Variants in UBTD1 observed in about 807,000 individuals in gnomAD.
UBTD1 encodes ubiquitin domain containing 1, also known as ubiquitin domain-containing protein 1.
Under a neutral mutation model 21.7 loss-of-function variants are expected in UBTD1, and 19 were observed. That is an observed-to-expected ratio of 0.87 (90% CI 0.61 to 1.28). The LOEUF is 1.28. Ranked by LOEUF, UBTD1 falls within the 50% of genes most tolerant of loss-of-function variation. The probability of loss-of-function intolerance (pLI) is 0.00; values close to 1 mark genes in which losing one functional copy is unlikely to be tolerated. For synonymous variants in UBTD1, 116 were observed against 135.1 expected, an observed-to-expected ratio of 0.86 and a Z score of 0.98; for missense variants, 282 against 315.1, an observed-to-expected ratio of 0.89 and a Z score of 0.80.
intron 1 of UBTD1, among the ~76,000 whole-genome samples, chr10:97,507,517 G>A (rs2040404085): frequency 6.6e-6 from 1 of 151,688 alleles, no homozygotes; most frequent in East Asian, 1.9e-4. Flanking sequence ...GCTCATGCCT[G>A]TAATCCCAGC....
intron 1 of UBTD1, among the ~76,000 whole-genome samples, chr10:97,539,155 G>T (rs1051879852): frequency 1.3e-5 from 2 of 152,142 alleles, no homozygotes; most frequent in Non-Finnish European, 2.9e-5. Flanking sequence ...TTGTCAGGTA[G>T]GAGCTGAAGC....
intron 1 of UBTD1, among the ~76,000 whole-genome samples, chr10:97,537,856 C>G (rs986616572): frequency 1.5e-5 from 2 of 137,762 alleles, no homozygotes; most frequent in African/African-American, 5.4e-5. Context: ...GACAGGGTCT[C>G]TCTCTGTCAT....
intron 1 of UBTD1, among the ~76,000 whole-genome samples, chr10:97,565,409 TA>T (rs1270611996): frequency 6.6e-6 from 1 of 152,240 alleles, no homozygotes; most frequent in African/African-American, 2.4e-5. Flanking sequence ...TAGATCAGTT[TA>T]GGGGGAGTGG....
chr10:97,509,659 C>T (rs1354288558), intron 1 of UBTD1, among the ~76,000 whole-genome samples: 1 of 151,912 alleles, frequency 6.6e-6, no homozygotes, highest in Non-Finnish European at 1.5e-5. Flanking sequence ...CTTTTTTTTC[C>T]CCCCACCCTG....
chr10:97,528,761 G>A (rs1184308747), intron 1 of UBTD1, among the ~76,000 whole-genome samples: 5 of 113,522 alleles, frequency 4.4e-5, no homozygotes, highest in Admixed American at 2.5e-4. Flanking sequence ...GCGGCTGGCC[G>A]GGCGGGGGGC....
chr10:97,564,141 AG>A (rs1192644447), intron 1 of UBTD1, among the ~76,000 whole-genome samples: 1 of 152,138 alleles, frequency 6.6e-6, no homozygotes, highest in Non-Finnish European at 1.5e-5. Flanking sequence ...TCGTCCAGCT[AG>A]GGTGTCTTCA....
chr10:97,549,554 C>T (rs1313597128), intron 1 of UBTD1, among the ~76,000 whole-genome samples: 1 of 152,252 alleles, frequency 6.6e-6, no homozygotes, highest in Non-Finnish European at 1.5e-5. Flanking sequence ...TTGCCATGGG[C>T]TGGGCATCAT....
intron 1 of UBTD1, among the ~76,000 whole-genome samples, chr10:97,544,129 T>A (rs757696736): frequency 1.6e-4 from 24 of 151,566 alleles, no homozygotes; most frequent in Non-Finnish European, 2.2e-4. Context: ...TAAAAAAATT[T>A]AAAAAAATAC....
At chr10:97,509,376 G>A (rs148416722) in intron 1 of UBTD1, among the ~76,000 whole-genome samples, 13 of 152,342 alleles carry the variant, frequency 8.5e-5, no homozygotes, top group South Asian at 2.1e-4. Context: ...GTAGTGAAGC[G>A]TGAAATGTGA....
intron 1 of UBTD1, among the ~76,000 whole-genome samples, chr10:97,503,222 A>T (rs1389540722): frequency 2.0e-5 from 3 of 152,046 alleles, no homozygotes; most frequent in Non-Finnish European, 4.4e-5. Flanking sequence ...AGCCTTAAAA[A>T]TTTTTTTTGG....
intron 1 of UBTD1, among the ~76,000 whole-genome samples, chr10:97,518,140 C>G (rs1346005124): frequency 6.6e-6 from 1 of 152,116 alleles, no homozygotes. Flanking sequence ...TGCTGCTGGC[C>G]TAGGGAAGAG....
chr10:97,535,975 A>ATTATTATTATTATTGTTG (rs71007348), intron 1 of UBTD1, among the ~76,000 whole-genome samples: 48 of 144,244 alleles, frequency 3.3e-4, no homozygotes, highest in Admixed American at 3.3e-3. Flanking sequence ...AGAAATTATT[A>ATTATTATTATTATTGTTG]TTATTATTAT....
chr10:97,519,697 A>G (rs948179685), intron 1 of UBTD1, among the ~76,000 whole-genome samples: 9 of 152,220 alleles, frequency 5.9e-5, no homozygotes, highest in Non-Finnish European at 1.0e-4. Context: ...AATTAAAGAA[A>G]GTGGACTTGG....
At chr10:97,551,289 A>G (rs2040636173) in intron 1 of UBTD1, among the ~76,000 whole-genome samples, 2 of 152,048 alleles carry the variant, frequency 1.3e-5, no homozygotes, top group Non-Finnish European at 2.9e-5. Context: ...TAATCCTAGC[A>G]CTTCGGGAGG....
intron 1 of UBTD1, among the ~76,000 whole-genome samples, chr10:97,529,916 G>C (rs1053121435): frequency 2.0e-5 from 3 of 152,152 alleles, no homozygotes; most frequent in African/African-American, 4.8e-5. Flanking sequence ...TGCCTCCTCT[G>C]TCTGGCGAGC....
At chr10:97,527,999 G>C (rs2040498405) in intron 1 of UBTD1, among the ~76,000 whole-genome samples, 3 of 151,488 alleles carry the variant, frequency 2.0e-5, no homozygotes, top group Middle Eastern at 3.4e-3. Flanking sequence ...GGGCAGAGGG[G>C]CTCCTCACTT....
At chr10:97,505,633 A>G (rs1329034099) in intron 1 of UBTD1, among the ~76,000 whole-genome samples, 1 of 152,240 alleles carries the variant, frequency 6.6e-6, no homozygotes, top group Non-Finnish European at 1.5e-5. Context: ...TGGAAAATGA[A>G]GCCTGGGGTC....
chr10:97,541,083 C>T (rs1410049946), intron 1 of UBTD1, among the ~76,000 whole-genome samples: 1 of 152,180 alleles, frequency 6.6e-6, no homozygotes. Flanking sequence ...AAACCACTCA[C>T]TGGATTCCTG....
chr10:97,541,483 A>G (rs1054339215), intron 1 of UBTD1, among the ~76,000 whole-genome samples: 6 of 152,254 alleles, frequency 3.9e-5, no homozygotes, highest in Admixed American at 2.6e-4. Context: ...GTCTCAAAAA[A>G]AAGACAAAAA....
Sources: allele counts gnomAD v4.1 joint callset (sites outside exome capture counted in the v4.1 genomes callset), GRCh38; gene constraint gnomAD v4.1.1; transcripts MANE v1.5; gene names NCBI Gene and HGNC (gene_info 2026-07-23, HGNC 2026-07-21).